Variants in PRDM15 observed in about 807,000 individuals in gnomAD.
The protein encoded by PRDM15 is PR domain zinc finger protein 15.
A neutral mutation model predicts 128.6 loss-of-function variants in PRDM15; 64 were observed. The observed-to-expected ratio is 0.50, with a 90% CI of 0.41 to 0.61. PRDM15 has a LOEUF of 0.61. Among genes scored for constraint, PRDM15 ranks in the 20% least tolerant of loss-of-function variants. The pLI, the probability that PRDM15 is intolerant of heterozygous loss-of-function variation, is 0.00. For missense variants in PRDM15, 1,242 were observed against 1,569.1 expected (o/e 0.79, Z 3.52); for synonymous variants, 615 against 621.8 (o/e 0.99, Z 0.16).
chr21:41,805,249 C>T lies in PRDM15; in HGVS notation c.2653-635G>A, dbSNP rs563891005. On this transcript the variant is annotated intron_variant, in intron 21 of 23. Coordinates refer to ENST00000398548, the MANE Select transcript of PRDM15 (RefSeq NM_001040424.3). Reference sequence around the variant, plus strand: ...CTGCTTACAGCAGTTGCGTTTGTTCCTGTGATGACCTAATTAGATCATAAG... The same window carrying T: ...CTGCTTACAGCAGTTGCGTTTGTTCTTGTGATGACCTAATTAGATCATAAG... 7.2e-5 allele frequency among the ~76,000 whole-genome samples: 11 copies of T among 152,302 alleles called. No homozygotes were observed. In the South Asian group the frequency reaches 1.7e-3, roughly 23 times the overall value.
intron 12 of PRDM15, among the ~76,000 whole-genome samples, chr21:41,827,380 G>A (rs1372975873): frequency 3.3e-5 from 5 of 152,118 alleles, no homozygotes; most frequent in Non-Finnish European, 7.4e-5. Flanking sequence ...TATATTTTTT[G>A]AGATAGGGTC....
chr21:41,839,564 T>C, intron 7 of PRDM15, 59 bp downstream of exon 7: 3 of 1,119,442 alleles, frequency 2.7e-6, no homozygotes, highest in Non-Finnish European at 3.8e-6. Flanking sequence ...CCGCCAGCCC[T>C]CGGGCGCCAG....
At chr21:41,861,865 G>A in intron 1 of PRDM15, 1 of 1,579,420 alleles carries the variant, frequency 6.3e-7, no homozygotes. Context: ...AAATAACAAG[G>A]GGAGGGGGGT....
intron 16 of PRDM15, 92 bp downstream of exon 16, chr21:41,820,975 C>T: frequency 3.3e-6 from 5 of 1,519,196 alleles, no homozygotes; most frequent in Non-Finnish European, 1.8e-6. Context: ...TTGTTGGAAG[C>T]TACAAATGGC....
rs1237945932 is a variant in PRDM15, at chr21:41,859,783, CAG to C, written c.38-100_38-99del. The C allele has an allele frequency of 7.5e-5, 72 of 963,370 alleles. 1 individual carries two copies. The highest frequency in any genetic ancestry group is 4.5e-5 in the Non-Finnish European group (28 of 622,190). 59.7% of individuals were successfully genotyped at this position (963,370 alleles called of 1,614,324 possible). On this transcript the variant is annotated intron_variant, in intron 2 of 23. Transcript: ENST00000398548. The surrounding 1 kb of genome is among the most constrained non-coding windows in gnomAD (Gnocchi z 5.3). ...GGACCCTGGCCCCATGAGGGTGACC[CAG>C]AGTCATGAGACACATGCATGCCGAC...
intron 14 of PRDM15, among the ~76,000 whole-genome samples, chr21:41,822,663 A>G (rs986025180): frequency 6.6e-6 from 1 of 152,186 alleles, no homozygotes; most frequent in Non-Finnish European, 1.5e-5. Flanking sequence ...CCCATGTTGA[A>G]TCCTAACTCA....
intron 1 of PRDM15, among the ~76,000 whole-genome samples, chr21:41,873,871 C>T (rs186325425): frequency 6.6e-6 from 1 of 152,128 alleles, no homozygotes; most frequent in African/African-American, 2.4e-5. Context: ...CACGGAGAAA[C>T]CCCATCTCTA....
chr21:41,857,434 G>A (rs572572205), intron 3 of PRDM15, 105 bp from the exon 4 acceptor site: 101 of 1,231,578 alleles, frequency 8.2e-5, no homozygotes, highest in Middle Eastern at 6.3e-4. Flanking sequence ...AGGGTTCTTC[G>A]GAAATAAAAT....
rs868341332 is a variant in PRDM15 at position 41,826,146 on chromosome 21, C to T, written c.1535-92G>A. On this transcript the variant is annotated intron_variant, in intron 12 of 23. Coordinates refer to ENST00000398548, the MANE Select transcript of PRDM15 (RefSeq NM_001040424.3). ...CCACTTCAGCCAGCATCCTTTCCAG[C>T]GCACGGGAGGACAGGGCTGCCCACA... 2.9e-5 allele frequency: 30 copies of T among 1,030,162 alleles called. No individual in the cohort carries two copies. The Middle Eastern group carries it at 2.2e-3, about 77-fold the overall frequency. The allele number at this position is 1,030,162 out of a possible 1,614,324, so 63.8% of individuals were successfully genotyped here. A position where few individuals can be genotyped will look rare whatever the true frequency, so the allele number is the denominator to read the frequency against.
At chr21:41,825,315 G>A (rs565331036) in intron 13 of PRDM15, among the ~76,000 whole-genome samples, 9 of 152,378 alleles carry the variant, frequency 5.9e-5, no homozygotes, top group Admixed American at 1.3e-4. Context: ...CTCCCGGGAC[G>A]CGCAGCGTGT....
At chr21:41,861,784 T>G in intron 1 of PRDM15, 1 of 1,606,160 alleles carries the variant, frequency 6.2e-7, no homozygotes, top group South Asian at 1.1e-5. Context: ...AACTTCAAGT[T>G]AGGAGAGTGA....
Position 41,839,867 on chromosome 21 carries a change from C to A in PRDM15, c.641-14G>T, listed in dbSNP as rs2063019213. The A allele has an allele frequency of 6.2e-7, 1 of 1,608,262 alleles. No individual in the cohort carries two copies. Among genetic ancestry groups the A allele is most frequent in the Non-Finnish European group, 8.5e-7 (1 of 1,174,840 alleles). ...CCAACAGATGTTCTGCAAAGAGAGA[C>A]GCGAATGCACCACACAATTAGGAAG... On this transcript the variant is annotated splice_polypyrimidine_tract_variant and intron_variant, in intron 6 of 23. Transcript: ENST00000398548.
At chr21:41,835,960 A>G (rs910454331) in intron 10 of PRDM15, among the ~76,000 whole-genome samples, 153 bp downstream of exon 10, 1 of 66,864 alleles carries the variant, frequency 1.5e-5, no homozygotes. Context: ...TCCCTCCCCC[A>G]CAGCCCCCGC....
At chr21:41,845,901 C>T (rs1487853737) in intron 6 of PRDM15, among the ~76,000 whole-genome samples, 2 of 152,154 alleles carry the variant, frequency 1.3e-5, no homozygotes, top group Admixed American at 6.5e-5. Context: ...AAGCACCTAC[C>T]ATGGGTCTCC....
chr21:41,818,051 G>A (rs372098145), intron 18 of PRDM15, among the ~76,000 whole-genome samples: 104 of 152,312 alleles, frequency 6.8e-4, no homozygotes, highest in South Asian at 5.4e-3. Context: ...TAAGAGGCCC[G>A]GCCCTGAATA....
At position 41,878,550 on chromosome 21, in the gene PRDM15, C is replaced by A. The variant is rs373922925; in HGVS notation, c.-10+720G>T. 52 of 452,880 alleles carry A rather than the reference C, an allele frequency of 1.1e-4. No individual in the cohort carries two copies. In the East Asian group the frequency reaches 1.6e-3, roughly 14 times the overall value. 28.1% of individuals were successfully genotyped at this position (452,880 alleles called of 1,614,324 possible). ...ACCTGTCCACGCGAGGCGGGCCTCA[C>A]CTGAGCGGCCGGGCACGCCCCGTCC... On this transcript the variant is annotated intron_variant, in intron 1 of 23. Coordinates refer to ENST00000398548, the MANE Select transcript of PRDM15 (RefSeq NM_001040424.3).
rs1446597099 is a variant in PRDM15 at position 41,854,413 on chromosome 21, A to G, written c.538+153T>C. Among the ~76,000 whole-genome samples, 3 of 152,016 alleles carry G rather than the reference A, an allele frequency of 2.0e-5. No individual in the cohort carries two copies. The highest frequency in any genetic ancestry group is 4.4e-5 in the Non-Finnish European group (3 of 68,008). On this transcript the variant is annotated intron_variant, in intron 5 of 23. Coordinates refer to ENST00000398548, the MANE Select transcript of PRDM15 (RefSeq NM_001040424.3). This position sits in a 1 kb window ranked among gnomAD's most constrained non-coding sequence, Gnocchi z 4.6. ...ATGTTTAAAACAAGCAGAAAGACAG[A>G]CCCGACTCTCCACTCCTCCACTCTC...
chr21:41,871,523 C>T (rs767566982), intron 1 of PRDM15: 2 of 1,609,630 alleles, frequency 1.2e-6, no homozygotes, highest in Non-Finnish European at 8.5e-7. Flanking sequence ...GCGTCGCAGG[C>T]CTGCACTCGC....
chr21:41,826,602 A>G (rs553915925), intron 12 of PRDM15, among the ~76,000 whole-genome samples: 1 of 152,254 alleles, frequency 6.6e-6, no homozygotes, highest in Admixed American at 6.5e-5. Flanking sequence ...TTAAATGTTC[A>G]TGCAAAACAG....
Sources: allele counts gnomAD v4.1 joint callset (sites outside exome capture counted in the v4.1 genomes callset), GRCh38; gene constraint gnomAD v4.1.1; non-coding constraint Gnocchi (gnomAD v3.1); transcripts MANE v1.5; gene names NCBI Gene and HGNC (gene_info 2026-07-23, HGNC 2026-07-21).